The following DLC1 variants were observed in gnomAD, a reference collection of about 807,000 sequenced individuals.
The protein encoded by DLC1 is DLC1 Rho GTPase activating protein.
In DLC1, 54 loss-of-function variants were observed where a neutral mutation model predicts 140.3. That is an observed-to-expected ratio of 0.38 (90% CI 0.31 to 0.48). The LOEUF (loss-of-function observed/expected upper bound fraction) is 0.48, where lower values mean the gene tolerates loss of function less well. Among genes scored for constraint, DLC1 ranks in the 20% least tolerant of loss-of-function variants. The pLI is 0.96. For synonymous variants in DLC1, 986 were observed against 728.1 expected, an observed-to-expected ratio of 1.35 and a Z score of -5.70; for missense variants, 2,536 against 1,907.0, an observed-to-expected ratio of 1.33 and a Z score of -6.14.
In DLC1 at chr8:13,501,682, C is replaced by T. The variant is rs534865945; in HGVS notation, c.-125-1486G>A. 2.0e-5 allele frequency among the ~76,000 whole-genome samples: 3 copies of T among 152,282 alleles called. No homozygotes were observed. The East Asian group carries it at 5.8e-4, about 29-fold the overall frequency. On this transcript the variant is annotated intron_variant, in intron 1 of 17. Coordinates refer to ENST00000276297, the MANE Select transcript of DLC1 (RefSeq NM_182643.3). ...TTGACATGTGCTAGAATTTTAGTAT[C>T]CCAGCCTGACCAAGTATCTTTCTGG...
chr8:13,515,934 A>G (rs566076693), upstream of DLC1, among the ~76,000 whole-genome samples: 3 of 152,294 alleles, frequency 2.0e-5, no homozygotes, highest in Non-Finnish European at 4.4e-5. Flanking sequence ...TCCTTCCTTT[A>G]TGACCCAGAA....
intron 5 of DLC1, among the ~76,000 whole-genome samples, chr8:13,158,765 C>T (rs1191132989): frequency 7.1e-6 from 1 of 141,382 alleles, no homozygotes; most frequent in Non-Finnish European, 1.5e-5. Context: ...ACACATCTCT[C>T]CTCTTTTTTT....
At chr8:13,378,429 G>A (rs896845576) in intron 4 of DLC1, among the ~76,000 whole-genome samples, 1 of 151,972 alleles carries the variant, frequency 6.6e-6, no homozygotes, top group African/African-American at 2.4e-5. Flanking sequence ...TGTGATCCAA[G>A]AAGAGATTAA....
intron 2 of DLC1, among the ~76,000 whole-genome samples, chr8:13,445,349 A>G (rs1367945015): frequency 1.4e-4 from 21 of 152,196 alleles, no homozygotes; most frequent in Admixed American, 1.4e-3. Flanking sequence ...TGAGGAAGGA[A>G]GCAGGAAACT....
intron 5 of DLC1, among the ~76,000 whole-genome samples, chr8:13,134,306 T>C (rs1386956616): frequency 2.0e-5 from 3 of 152,204 alleles, no homozygotes; most frequent in East Asian, 3.9e-4. Context: ...TGAACTAAAC[T>C]CATTCATTCA....
At chr8:13,513,458 A>G (rs1802466009) in intron 1 of DLC1, among the ~76,000 whole-genome samples, 1 of 152,114 alleles carries the variant, frequency 6.6e-6, no homozygotes, top group Admixed American at 6.5e-5. Context: ...GTCACCTTGT[A>G]CTATATAAAA....
chr8:13,366,689 T>C (rs1388256803), intron 4 of DLC1, among the ~76,000 whole-genome samples: 1 of 152,164 alleles, frequency 6.6e-6, no homozygotes, highest in African/African-American at 2.4e-5. Flanking sequence ...CTAGGTCTTC[T>C]CTCCATTTCT....
rs947076652 is a variant in DLC1 at position 13,228,405 on chromosome 8, A to G, written c.1348+76864T>C. On this transcript the variant is annotated intron_variant, in intron 5 of 17. Coordinates refer to ENST00000276297, the MANE Select transcript of DLC1 (RefSeq NM_182643.3). The stretch of plus-strand genomic sequence containing the variant: ...TAAAGGAATTGTATATGGAATACAT[A>G]ATAAACTCTCATAACTCAATTATAA... 4.6e-5 allele frequency among the ~76,000 whole-genome samples: 7 copies of G among 152,158 alleles called. No homozygotes were observed. The South Asian group carries it at 8.3e-4, about 18-fold the overall frequency.
At chr8:13,203,665 G>A (rs914418295) in intron 5 of DLC1, among the ~76,000 whole-genome samples, 1 of 152,158 alleles carries the variant, frequency 6.6e-6, no homozygotes, top group Admixed American at 6.5e-5. Flanking sequence ...CCTCTGTGGT[G>A]TACTCGGTTG....
chr8:13,324,492 T>C (rs10088519), intron 4 of DLC1, among the ~76,000 whole-genome samples: 128,314 of 150,266 alleles, frequency 0.85, 55,188 homozygotes, highest in East Asian at 0.95. Flanking sequence ...GGCGTGAACC[T>C]GGGAGTGGAG....
chr8:13,589,815 T>C (rs1805456129), intron 1 of DLC1, among the ~76,000 whole-genome samples: 1 of 151,780 alleles, frequency 6.6e-6, no homozygotes, highest in African/African-American at 2.4e-5. Context: ...TGAAAGGAGA[T>C]ATTTTAATAA....
intron 5 of DLC1, among the ~76,000 whole-genome samples, chr8:13,205,821 C>G (rs1321299748): frequency 6.6e-6 from 1 of 152,108 alleles, no homozygotes; most frequent in African/African-American, 2.4e-5. Context: ...AGAAATTTGA[C>G]TAAAATAATA....
At chr8:13,212,118 T>C (rs1328542083) in intron 5 of DLC1, among the ~76,000 whole-genome samples, 2 of 152,180 alleles carry the variant, frequency 1.3e-5, no homozygotes, top group Non-Finnish European at 2.9e-5. Context: ...AAACATTCCG[T>C]AGAGAATTTC....
intron 4 of DLC1, among the ~76,000 whole-genome samples, chr8:13,363,735 T>C (rs1175223489): frequency 6.6e-6 from 1 of 152,150 alleles, no homozygotes; most frequent in Non-Finnish European, 1.5e-5. Context: ...CCATTGTAGG[T>C]CCAGCAAAAT....
Position 13,303,125 on chromosome 8 carries a change from A to G in DLC1, c.1348+2144T>C, listed in dbSNP as rs534487787. ...TTCTTAAATGATCAAATGAAATTAC[A>G]TTTTCTCCTAAATATATCAGCATAT... On this transcript the variant is annotated intron_variant, in intron 5 of 17. Transcript: ENST00000276297. Among the ~76,000 whole-genome samples, 3 of 152,324 alleles carry G rather than the reference A, an allele frequency of 2.0e-5. No individual in the cohort carries two copies. In the South Asian group the frequency reaches 6.2e-4, roughly 32 times the overall value.
chr8:13,488,020 A>G (rs965141290), intron 2 of DLC1, among the ~76,000 whole-genome samples: 10 of 152,220 alleles, frequency 6.6e-5, no homozygotes, highest in Admixed American at 5.9e-4. Context: ...AAAATTTCTA[A>G]TTATGCCTAA....
intron 1 of DLC1, among the ~76,000 whole-genome samples, chr8:13,603,964 T>TA (rs1805968205): frequency 6.6e-6 from 1 of 152,082 alleles, no homozygotes; most frequent in African/African-American, 2.4e-5. Flanking sequence ...AAAAGGTAAA[T>TA]GGTGTACTTA....
chr8:13,400,512 C>T (rs1170383965), intron 3 of DLC1, among the ~76,000 whole-genome samples: 1 of 152,116 alleles, frequency 6.6e-6, no homozygotes, highest in Non-Finnish European at 1.5e-5. Context: ...TCTCTATTTA[C>T]AGAGCTAACA....
chr8:13,099,035 A>G (rs1818749408), intron 9 of DLC1, among the ~76,000 whole-genome samples: 1 of 131,114 alleles, frequency 7.6e-6, no homozygotes, highest in Admixed American at 7.6e-5. Flanking sequence ...GGGAAAATAT[A>G]CACAATATAA....
Sources: gnomAD v4.1 joint callset for allele counts (sites outside exome capture counted in the v4.1 genomes callset) on GRCh38, gnomAD v4.1.1 for gene constraint, MANE v1.5 for transcripts, NCBI Gene and HGNC (gene_info 2026-07-23, HGNC 2026-07-21) for gene names.